The following PDE4D variants were observed in gnomAD, a reference collection of about 807,000 sequenced individuals.
The protein encoded by PDE4D is phosphodiesterase 4D, also known as 3',5'-cyclic-AMP phosphodiesterase 4D.
In PDE4D, 24 loss-of-function variants were observed where a neutral mutation model predicts 87.4. That is an observed-to-expected ratio of 0.27 (90% confidence interval 0.20 to 0.39). The LOEUF (loss-of-function observed/expected upper bound fraction) is 0.39. PDE4D is among the 10% of genes least tolerant of loss of function. The pLI, the probability that PDE4D is intolerant of heterozygous loss-of-function variation, is 1.00. For synonymous variants in PDE4D, 384 were observed against 383.2 expected (o/e 1.00, Z -0.02); for missense variants, 714 against 1,041.0 (o/e 0.69, Z 4.32).
intron 1 of PDE4D, among the ~76,000 whole-genome samples, chr5:60,287,494 T>G (rs1752524869): frequency 6.6e-6 from 1 of 152,224 alleles, no homozygotes; most frequent in Non-Finnish European, 1.5e-5. Context: ...CCTGTGTGCC[T>G]TGCACTTAGT....
intron 1 of PDE4D, among the ~76,000 whole-genome samples, chr5:60,414,943 A>C (rs1393872794): frequency 6.6e-6 from 1 of 152,256 alleles, no homozygotes; most frequent in Non-Finnish European, 1.5e-5. Flanking sequence ...CACAGGAAGA[A>C]GGGAAATGAA....
rs1338731940 is a variant in PDE4D, at chr5:59,053,645, G to GTTTTTTTTTTTTTTTTTTTTTT, written c.809-14675_809-14674insAAAAAAAAAAAAAAAAAAAAAA. Among the ~76,000 whole-genome samples, 2 of 68,794 alleles carry GTTTTTTTTTTTTTTTTTTTTTT rather than the reference G, an allele frequency of 2.9e-5. 1 individual carries two copies. Among genetic ancestry groups the GTTTTTTTTTTTTTTTTTTTTTT allele is most frequent in the Non-Finnish European group, 6.1e-5 (2 of 32,634 alleles). 45.1% of individuals were successfully genotyped at this position (68,794 alleles called of 152,430 possible). ...TATGAATTAAGTTGTTTTGTTTTTT[G>GTTTTTTTTTTTTTTTTTTTTTT]TTTTTTTTTGTTGTTGTTTTTTTTT... is the stretch of plus-strand genomic sequence containing the variant. On this transcript the variant is annotated intron_variant, in intron 5 of 14. Coordinates refer to ENST00000340635, the MANE Select transcript of PDE4D (RefSeq NM_001104631.2).
intron 1 of PDE4D, among the ~76,000 whole-genome samples, chr5:60,474,386 A>G (rs1395536968): frequency 1.3e-5 from 2 of 151,118 alleles, no homozygotes; most frequent in African/African-American, 4.9e-5. Flanking sequence ...CAACCTAATC[A>G]CCTCCCAAAC....
At chr5:60,244,774 T>A (rs1256232899) in intron 1 of PDE4D, among the ~76,000 whole-genome samples, 1 of 151,838 alleles carries the variant, frequency 6.6e-6, no homozygotes, top group Non-Finnish European at 1.5e-5. Flanking sequence ...CCAATCCCTA[T>A]CTCTCACCAT....
chr5:60,031,386 A>G (rs1487258569), intron 2 of PDE4D, among the ~76,000 whole-genome samples: 1 of 152,240 alleles, frequency 6.6e-6, no homozygotes, highest in East Asian at 1.9e-4. Flanking sequence ...TTCCCAGAAC[A>G]TCCTGCCATT....
intron 1 of PDE4D, among the ~76,000 whole-genome samples, chr5:59,754,691 C>G (rs1337056353): frequency 6.6e-6 from 1 of 151,210 alleles, no homozygotes; most frequent in East Asian, 2.0e-4. Context: ...TTACTTAGCT[C>G]TCATTTATTT....
chr5:59,624,155 G>A (rs1478294182), intron 1 of PDE4D, among the ~76,000 whole-genome samples: 1 of 152,076 alleles, frequency 6.6e-6, no homozygotes, highest in Non-Finnish European at 1.5e-5. Context: ...AGAAAAATAA[G>A]ATTTTCACTT....
intron 3 of PDE4D, among the ~76,000 whole-genome samples, chr5:59,915,091 T>C (rs1275194848): frequency 6.6e-6 from 1 of 152,150 alleles, no homozygotes. Flanking sequence ...AAGCTTCAAG[T>C]GGAGTACAAA....
chr5:59,394,243 C>G (rs1788851030), intron 1 of PDE4D, among the ~76,000 whole-genome samples: 1 of 152,138 alleles, frequency 6.6e-6, no homozygotes, highest in South Asian at 2.1e-4. Flanking sequence ...AGAGATGTGC[C>G]CCTGAAGCAT....
At chr5:59,452,936 T>C (rs2153641363) in intron 1 of PDE4D, among the ~76,000 whole-genome samples, 1 of 151,986 alleles carries the variant, frequency 6.6e-6, no homozygotes, top group South Asian at 2.1e-4. Flanking sequence ...CTTTGTTTTG[T>C]TGTGCTTTGC....
At chr5:59,861,043 G>T (rs10054267) in intron 1 of PDE4D, among the ~76,000 whole-genome samples, 13,769 of 107,870 alleles carry the variant, frequency 0.13, 1,897 homozygotes, top group African/African-American at 0.37. Context: ...TTTTTTTTTT[G>T]TATTTTTACT....
At chr5:60,041,746 C>G (rs1161475238) in intron 2 of PDE4D, among the ~76,000 whole-genome samples, 2 of 152,142 alleles carry the variant, frequency 1.3e-5, no homozygotes, top group African/African-American at 4.8e-5. Context: ...AGGGACTGTG[C>G]TGTGAGGAAT....
At chr5:59,151,041 T>A (rs1779403523) in intron 5 of PDE4D, among the ~76,000 whole-genome samples, 1 of 152,172 alleles carries the variant, frequency 6.6e-6, no homozygotes. Flanking sequence ...TTCAGGTGCC[T>A]AGAACTGTGA....
intron 2 of PDE4D, among the ~76,000 whole-genome samples, chr5:60,068,232 T>TTTTCTG (rs770023235): frequency 5.3e-5 from 8 of 152,180 alleles, no homozygotes; most frequent in Non-Finnish European, 7.4e-5. Flanking sequence ...ACACTTGCTA[T>TTTTCTG]TTTCTGTTTT....
intron 1 of PDE4D, among the ~76,000 whole-genome samples, chr5:59,330,088 T>A (rs1776432654): frequency 6.6e-6 from 1 of 152,164 alleles, no homozygotes; most frequent in South Asian, 2.1e-4. Flanking sequence ...GGGAGTCCTA[T>A]CTTTAATATG....
At chr5:60,311,587 G>C (rs1156829627) in intron 1 of PDE4D, among the ~76,000 whole-genome samples, 1 of 152,076 alleles carries the variant, frequency 6.6e-6, no homozygotes, top group Admixed American at 6.5e-5. Context: ...GAAAAGAAAA[G>C]AACATTACCC....
chr5:59,568,294 A>G (rs1821279173), intron 1 of PDE4D, among the ~76,000 whole-genome samples: 1 of 152,162 alleles, frequency 6.6e-6, no homozygotes, highest in African/African-American at 2.4e-5. Context: ...GTGGATTATA[A>G]CCTAAGCATA....
chr5:59,304,185 G>C (rs1037388529), intron 1 of PDE4D, among the ~76,000 whole-genome samples: 12 of 151,828 alleles, frequency 7.9e-5, no homozygotes, highest in Admixed American at 6.6e-4. Context: ...TTCTTGATTT[G>C]ATTCTCCCCT....
intron 1 of PDE4D, among the ~76,000 whole-genome samples, chr5:59,468,871 G>C (rs1043198612): frequency 3.3e-5 from 5 of 152,136 alleles, no homozygotes; most frequent in African/African-American, 1.2e-4. Context: ...GCATCATGAA[G>C]AGTGCATTGA....
Sources: allele counts gnomAD v4.1 joint callset (sites outside exome capture counted in the v4.1 genomes callset), GRCh38; gene constraint gnomAD v4.1.1; transcripts MANE v1.5; gene names NCBI Gene and HGNC (gene_info 2026-07-23, HGNC 2026-07-21).